The following GRIK3 variants were observed in gnomAD, a reference collection of about 807,000 sequenced individuals.
GRIK3 encodes glutamate receptor ionotropic, kainate 3.
In GRIK3, 29 loss-of-function variants were observed where a neutral mutation model predicts 102.5. That is an observed-to-expected ratio of 0.28 (90% CI 0.21 to 0.39). The LOEUF is 0.39. GRIK3 is among the 10% of genes least tolerant of loss of function. The pLI is 1.00. For synonymous variants in GRIK3, 511 were observed against 504.9 expected, an observed-to-expected ratio of 1.01 and a Z score of -0.16; for missense variants, 908 against 1,252.4, an observed-to-expected ratio of 0.73 and a Z score of 4.15.
chr1:37,027,451 A>AT (rs1181586638), intron 1 of GRIK3, among the ~76,000 whole-genome samples: 1 of 152,132 alleles, frequency 6.6e-6, no homozygotes, highest in East Asian at 1.9e-4. Context: ...CAGGGCCAGG[A>AT]TTTAAGGAGG....
At chr1:37,030,293 T>C (rs1642807656) in intron 1 of GRIK3, among the ~76,000 whole-genome samples, 1 of 152,216 alleles carries the variant, frequency 6.6e-6, no homozygotes, top group Non-Finnish European at 1.5e-5. Context: ...CTCATTGTTT[T>C]ATACACAGCG....
At chr1:36,977,871 G>A (rs554096192) in intron 1 of GRIK3, among the ~76,000 whole-genome samples, 1 of 152,352 alleles carries the variant, frequency 6.6e-6, no homozygotes, top group African/African-American at 2.4e-5. Flanking sequence ...CCCACTGCCA[G>A]AGGCCCCAGA....
At chr1:36,990,783 G>GAGTT (rs940186617) in intron 1 of GRIK3, among the ~76,000 whole-genome samples, 2 of 152,164 alleles carry the variant, frequency 1.3e-5, no homozygotes, top group Non-Finnish European at 2.9e-5. Context: ...AGGGCCCTGG[G>GAGTT]AGTTGGTGGC....
intron 2 of GRIK3, among the ~76,000 whole-genome samples, chr1:36,887,051 A>C (rs1247688697): frequency 6.6e-6 from 1 of 152,244 alleles, no homozygotes; most frequent in Non-Finnish European, 1.5e-5. Flanking sequence ...AAGTGGCTAG[A>C]AACATCGTTA....
intron 15 of GRIK3, 86 bp downstream of exon 15, chr1:36,804,901 C>T: frequency 1.3e-6 from 2 of 1,508,468 alleles, no homozygotes; most frequent in Non-Finnish European, 1.8e-6. Context: ...AGATGAGACA[C>T]CACTGTGTGC....
At chr1:36,907,459 G>A (rs1178677732) in intron 1 of GRIK3, among the ~76,000 whole-genome samples, 3 of 152,242 alleles carry the variant, frequency 2.0e-5, no homozygotes, top group East Asian at 1.9e-4. Context: ...TTCCTTCCAG[G>A]AGGCCCATCG....
chr1:36,916,085 G>A (rs1465835108), intron 1 of GRIK3, among the ~76,000 whole-genome samples: 2 of 152,212 alleles, frequency 1.3e-5, no homozygotes, highest in Non-Finnish European at 2.9e-5. Context: ...TCAGGCTGAT[G>A]TGATCTCAGA....
At chr1:36,804,653 A>G in intron 15 of GRIK3, 1 of 457,150 alleles carries the variant, frequency 2.2e-6, no homozygotes, top group Non-Finnish European at 3.8e-6. Flanking sequence ...CAGGAAAATG[A>G]TATGGTTTGA....
intron 1 of GRIK3, among the ~76,000 whole-genome samples, chr1:37,018,535 G>A (rs1005885330): frequency 2.6e-5 from 4 of 152,166 alleles, no homozygotes; most frequent in African/African-American, 9.7e-5. Flanking sequence ...ACTGCACAAT[G>A]GGGACAGAGC....
At chr1:36,980,535 C>G (rs1001566265) in intron 1 of GRIK3, among the ~76,000 whole-genome samples, 1 of 151,880 alleles carries the variant, frequency 6.6e-6, no homozygotes, top group Admixed American at 6.6e-5. Flanking sequence ...TTCCTCACCC[C>G]TGAACCCTTC....
In GRIK3 at chr1:36,926,589, C is replaced by T. The variant is rs139141637; in HGVS notation, c.116-35493G>A. Among the ~76,000 whole-genome samples the T allele has an allele frequency of 6.2e-3, 942 of 152,210 alleles. 10 individuals are homozygous for T. The highest frequency in any genetic ancestry group is 0.022 in the African/African-American group (911 of 41,526). Reference sequence around the variant, plus strand: ...TATTTTTAGTAGAGATGGGCTTTCACCGTATTGGCCAGGCTGGTCTTGAAC... The same window carrying T: ...TATTTTTAGTAGAGATGGGCTTTCATCGTATTGGCCAGGCTGGTCTTGAAC... On this transcript the variant is annotated intron_variant, in intron 1 of 15. Transcript: ENST00000373091.
intron 6 of GRIK3, among the ~76,000 whole-genome samples, chr1:36,859,637 G>A (rs2124239241): frequency 6.6e-6 from 1 of 152,264 alleles, no homozygotes; most frequent in East Asian, 1.9e-4. Context: ...TTGCTTACAT[G>A]TCTGGATCCC....
At chr1:36,863,304 T>C (rs1640747194) in intron 5 of GRIK3, among the ~76,000 whole-genome samples, 2 of 152,086 alleles carry the variant, frequency 1.3e-5, no homozygotes, top group African/African-American at 4.8e-5. Context: ...GCCAGGGCAG[T>C]CACCCTCTGG....
At chr1:37,026,394 T>C (rs1371955711) in intron 1 of GRIK3, among the ~76,000 whole-genome samples, 1 of 152,098 alleles carries the variant, frequency 6.6e-6, no homozygotes, top group East Asian at 1.9e-4. Context: ...ATATGCCACA[T>C]ACAAGGCTGC....
intron 1 of GRIK3, among the ~76,000 whole-genome samples, chr1:36,914,688 A>T (rs565984008): frequency 1.3e-5 from 2 of 152,356 alleles, no homozygotes; most frequent in East Asian, 3.9e-4. Flanking sequence ...AGAATAAGAA[A>T]GTACAACGGT....
In GRIK3 at chr1:36,989,637, A is replaced by C. The variant is rs147354638; in HGVS notation, c.115+44357T>G. Among the ~76,000 whole-genome samples the C allele has an allele frequency of 5.1e-3, 777 of 152,296 alleles. 9 individuals are homozygous for C. Among genetic ancestry groups the C allele is most frequent in the African/African-American group, 0.018 (751 of 41,544 alleles). Reference sequence around the variant, plus strand: ...TCTCTGGGATCCTCCTGGGGGACCAAGTCTGGGCCCCCACTGCTTCCCTGC... The same window carrying C: ...TCTCTGGGATCCTCCTGGGGGACCACGTCTGGGCCCCCACTGCTTCCCTGC... On this transcript the variant is annotated intron_variant, in intron 1 of 15. Coordinates refer to ENST00000373091, the MANE Select transcript of GRIK3 (RefSeq NM_000831.4).
At chr1:36,815,888 T>G (rs1642620872) in intron 13 of GRIK3, among the ~76,000 whole-genome samples, 1 of 151,998 alleles carries the variant, frequency 6.6e-6, no homozygotes, top group Non-Finnish European at 1.5e-5. Context: ...GCCTCCCCAG[T>G]AGCTGGGATT....
chr1:36,947,428 G>A (rs1217087769), intron 1 of GRIK3, among the ~76,000 whole-genome samples: 12 of 152,038 alleles, frequency 7.9e-5, no homozygotes, highest in Admixed American at 1.3e-4. Context: ...CATCCCATCC[G>A]TCCTCTGCTC....
At chr1:37,032,837 G>T (rs1390313783) in intron 1 of GRIK3, among the ~76,000 whole-genome samples, 1 of 152,170 alleles carries the variant, frequency 6.6e-6, no homozygotes, top group East Asian at 1.9e-4. Context: ...CGCCTCCTAG[G>T]AAAATCTCAA....
Sources: allele counts gnomAD v4.1 joint callset (sites outside exome capture counted in the v4.1 genomes callset), GRCh38; gene constraint gnomAD v4.1.1; transcripts MANE v1.5; gene names NCBI Gene and HGNC (gene_info 2026-07-23, HGNC 2026-07-21).